ANO3: variants seen among roughly 807,000 people sequenced by gnomAD.
ANO3 encodes anoctamin-3.
ANO3 carries 99 observed loss-of-function variants against 144.8 expected under a neutral mutation model. That is an observed-to-expected ratio of 0.68 (90% CI 0.58 to 0.81). ANO3 has a LOEUF of 0.81. Among genes scored for constraint, ANO3 ranks in the 30% least tolerant of loss-of-function variants. The pLI is 0.00. For missense variants in ANO3, 905 were observed against 1,202.2 expected, an observed-to-expected ratio of 0.75 and a Z score of 3.66; for synonymous variants, 414 against 392.6, an observed-to-expected ratio of 1.05 and a Z score of -0.64.
chr11:26,323,297 G>C (rs759978097), intron 1 of ANO3, among the ~76,000 whole-genome samples: 48 of 152,112 alleles, frequency 3.2e-4, no homozygotes, highest in Non-Finnish European at 6.3e-4. Context: ...CTTCTCTTGA[G>C]TACATTTTTA....
At chr11:26,617,967 A>G (rs921027589) in intron 17 of ANO3, among the ~76,000 whole-genome samples, 10 of 152,178 alleles carry the variant, frequency 6.6e-5, no homozygotes, top group African/African-American at 2.4e-4. Flanking sequence ...ATATTATACC[A>G]TCAAAAGTAT....
At chr11:26,576,962 T>TCTTTTTAGAATATTCTTCTC (rs371751784) in intron 14 of ANO3, among the ~76,000 whole-genome samples, 3,244 of 152,282 alleles carry the variant, frequency 0.021, 60 homozygotes, top group South Asian at 0.062. Context: ...TACTTTTTCT[T>TCTTTTTAGAATATTCTTCTC]CTTTTTAGAA....
Position 26,583,456 on chromosome 11 carries a change from A to G in ANO3, c.1448-14909A>G, listed in dbSNP as rs554036871. 3.3e-5 allele frequency among the ~76,000 whole-genome samples: 5 copies of G among 152,362 alleles called. No individual in the cohort carries two copies. In the South Asian group the frequency reaches 1.0e-3, roughly 32 times the overall value. On this transcript the variant is annotated intron_variant, in intron 14 of 26. Coordinates refer to ENST00000256737, the MANE Select transcript of ANO3 (RefSeq NM_031418.4). Reference sequence around the variant, plus strand: ...CAAGACAAGCAGGTTTTGACCAACCAGTTCCAGATATTGCGCTGTGTCAAA... The same window carrying G: ...CAAGACAAGCAGGTTTTGACCAACCGGTTCCAGATATTGCGCTGTGTCAAA...
intron 1 of ANO3, among the ~76,000 whole-genome samples, chr11:26,255,351 T>C (rs952173372): frequency 6.6e-6 from 1 of 152,194 alleles, no homozygotes; most frequent in African/African-American, 2.4e-5. Flanking sequence ...TCACCATTTC[T>C]AGCACTGTTA....
chr11:26,372,769 A>C (rs536136047), intron 1 of ANO3, among the ~76,000 whole-genome samples: 1 of 152,306 alleles, frequency 6.6e-6, no homozygotes, highest in South Asian at 2.1e-4. Flanking sequence ...ATTGGTGCCA[A>C]AGACATAACA....
At chr11:26,378,620 ATTG>A (rs1856483964) in intron 1 of ANO3, among the ~76,000 whole-genome samples, 1 of 152,032 alleles carries the variant, frequency 6.6e-6, no homozygotes, top group South Asian at 2.1e-4. Flanking sequence ...TAAAAAATGC[ATTG>A]TTGTTAGCTC....
intron 12 of ANO3, among the ~76,000 whole-genome samples, chr11:26,548,364 C>T (rs576595978): frequency 7.2e-5 from 11 of 151,964 alleles, no homozygotes; most frequent in South Asian, 4.2e-4. Flanking sequence ...TAATATATCA[C>T]GAGTATATTA....
chr11:26,332,121 G>T, upstream of ANO3: 2 of 1,488,086 alleles, frequency 1.3e-6, no homozygotes, highest in East Asian at 4.9e-5. Flanking sequence ...ACCGGCGGGC[G>T]CGTAGCCTGG....
At chr11:26,589,498 G>T (rs11029625) in intron 14 of ANO3, among the ~76,000 whole-genome samples, 44,119 of 148,898 alleles carry the variant, frequency 0.3, 6,791 homozygotes, top group South Asian at 0.46. Flanking sequence ...TGGGTTTTTT[G>T]CATATTCACA....
At chr11:26,514,506 T>A (rs564397101) in intron 5 of ANO3, among the ~76,000 whole-genome samples, 1 of 152,218 alleles carries the variant, frequency 6.6e-6, no homozygotes, top group African/African-American at 2.4e-5. Context: ...TAAATAATTT[T>A]TCTAAGGCCA....
chr11:26,314,216 C>T (rs1330682449), intron 1 of ANO3, among the ~76,000 whole-genome samples: 1 of 152,156 alleles, frequency 6.6e-6, no homozygotes, highest in Non-Finnish European at 1.5e-5. Flanking sequence ...AGAGCTATTA[C>T]TGCACGGCAA....
intron 5 of ANO3, 74 bp downstream of exon 5, chr11:26,508,336 A>G (rs117136103): frequency 0.031 from 42,146 of 1,338,640 alleles, 775 homozygotes; most frequent in Non-Finnish European, 0.037. Context: ...GTTTAGAAAG[A>G]AAAATATGTA....
At chr11:26,653,139 C>T (rs1450894942) in intron 24 of ANO3, among the ~76,000 whole-genome samples, 2 of 152,152 alleles carry the variant, frequency 1.3e-5, no homozygotes, top group African/African-American at 4.8e-5. Flanking sequence ...GATCTACGCT[C>T]ATACCTGAAT....
chr11:26,572,056 G>A (rs912375164), intron 14 of ANO3: 48 of 984,620 alleles, frequency 4.9e-5, no homozygotes, highest in Non-Finnish European at 5.4e-5. Flanking sequence ...GGCTTAGGAG[G>A]TATTTACAAT....
intron 17 of ANO3, among the ~76,000 whole-genome samples, chr11:26,621,638 A>T (rs890675002): frequency 6.6e-6 from 1 of 151,972 alleles, no homozygotes; most frequent in Admixed American, 6.5e-5. Flanking sequence ...CTGACCAATT[A>T]TGTATTTATT....
Position 26,563,395 on chromosome 11 carries a change from C to CTGTGTGTGTG in ANO3, c.1447+3644_1447+3653dup, listed in dbSNP as rs71047867. The CTGTGTGTGTG allele has an allele frequency of 5.9e-4, 317 of 540,082 alleles. 1 individual carries two copies. Among genetic ancestry groups the CTGTGTGTGTG allele is most frequent in the African/African-American group, 4.7e-3 (234 of 49,604 alleles). The allele number at this position is 540,082 out of a possible 1,614,324, so 33.5% of individuals were successfully genotyped here. The stretch of plus-strand genomic sequence containing the variant: ...ATTAGATAATGGTGTGTTTCTCTCT[C>CTGTGTGTGTG]TGTGTGTGTGTGTGTGTGTGTGTGT... On this transcript the variant is annotated intron_variant, in intron 14 of 26. Coordinates refer to ENST00000256737, the MANE Select transcript of ANO3 (RefSeq NM_031418.4).
intron 1 of ANO3, among the ~76,000 whole-genome samples, chr11:26,203,525 T>C (rs1430748783): frequency 6.6e-6 from 1 of 152,024 alleles, no homozygotes; most frequent in Non-Finnish European, 1.5e-5. Context: ...ACTATGAAAA[T>C]GTGACAAGGC....
At chr11:26,609,223 A>G (rs1470104731) in intron 17 of ANO3, among the ~76,000 whole-genome samples, 1 of 152,054 alleles carries the variant, frequency 6.6e-6, no homozygotes, top group Admixed American at 6.5e-5. Flanking sequence ...CCGCCACACC[A>G]CAGTGCTGTT....
intron 1 of ANO3, among the ~76,000 whole-genome samples, chr11:26,262,739 C>CACACACACAG (rs1177111571): frequency 6.7e-6 from 1 of 148,784 alleles, no homozygotes; most frequent in African/African-American, 2.5e-5. Flanking sequence ...CACACACACA[C>CACACACACAG]AGAGAGAGAG....
Sources: gnomAD v4.1 joint callset for allele counts (sites outside exome capture counted in the v4.1 genomes callset) on GRCh38, gnomAD v4.1.1 for gene constraint, MANE v1.5 for transcripts, NCBI Gene and HGNC (gene_info 2026-07-23, HGNC 2026-07-21) for gene names.